Variants in TAF4B observed in about 807,000 individuals in gnomAD.
TAF4B encodes TATA-box binding protein associated factor 4b.
A neutral mutation model predicts 86.4 loss-of-function variants in TAF4B; 38 were observed. The observed-to-expected ratio is 0.44, with a 90% CI of 0.34 to 0.58. The LOEUF (loss-of-function observed/expected upper bound fraction) is 0.58, where lower values mean the gene tolerates loss of function less well. TAF4B is among the 20% of genes least tolerant of loss of function. The pLI is 0.02. For missense variants in TAF4B, 988 were observed against 1,027.6 expected, an observed-to-expected ratio of 0.96 and a Z score of 0.53; for synonymous variants, 388 against 391.2, an observed-to-expected ratio of 0.99 and a Z score of 0.10.
At chr18:26,313,670 G>GT (rs528865635) in intron 9 of TAF4B, among the ~76,000 whole-genome samples, 15,557 of 145,632 alleles carry the variant, frequency 0.11, 2,446 homozygotes, top group African/African-American at 0.35. Context: ...CTTTCCTTGA[G>GT]TTTTTTTTTT....
chr18:26,344,437 C>G (rs1477422220), intron 13 of TAF4B, among the ~76,000 whole-genome samples: 1 of 150,960 alleles, frequency 6.6e-6, no homozygotes, highest in Non-Finnish European at 1.5e-5. Flanking sequence ...AAGGAACTTT[C>G]AACTTAAAAT....
At chr18:26,236,284 G>A (rs1008123401) in intron 1 of TAF4B, among the ~76,000 whole-genome samples, 1 of 152,214 alleles carries the variant, frequency 6.6e-6, no homozygotes, top group African/African-American at 2.4e-5. Context: ...CCTGGTTACA[G>A]GCTGTCCCAG....
chr18:26,362,562 G>T (rs2057339938), intron 14 of TAF4B, among the ~76,000 whole-genome samples: 1 of 152,084 alleles, frequency 6.6e-6, no homozygotes, highest in African/African-American at 2.4e-5. Flanking sequence ...ATTGGTTAGG[G>T]AGAAAACCGA....
chr18:26,266,619 T>C (rs1598740351), intron 2 of TAF4B, among the ~76,000 whole-genome samples: 1 of 152,124 alleles, frequency 6.6e-6, no homozygotes, highest in Middle Eastern at 3.4e-3. Context: ...CCCAGCACTT[T>C]GGGAGGCTGA....
At chr18:26,315,861 C>A (rs2056905738) in intron 10 of TAF4B, among the ~76,000 whole-genome samples, 1 of 152,130 alleles carries the variant, frequency 6.6e-6, no homozygotes. Context: ...TTAGGGTCCT[C>A]TCTAGGCCCA....
intron 5 of TAF4B, among the ~76,000 whole-genome samples, chr18:26,280,211 C>G (rs1420462727): frequency 2.0e-5 from 3 of 152,050 alleles, no homozygotes; most frequent in East Asian, 1.9e-4. Flanking sequence ...CTGTAAAAGT[C>G]CTAGAAGAAA....
intron 5 of TAF4B, among the ~76,000 whole-genome samples, chr18:26,277,092 T>A (rs1304873703): frequency 6.6e-6 from 1 of 151,526 alleles, no homozygotes; most frequent in Non-Finnish European, 1.5e-5. Context: ...TTGAAAAAAT[T>A]TTTTTTTGAG....
At chr18:26,308,670 C>T (rs962259387) in intron 9 of TAF4B, among the ~76,000 whole-genome samples, 6 of 151,842 alleles carry the variant, frequency 4.0e-5, no homozygotes, top group South Asian at 2.1e-4. Flanking sequence ...GTCTGGAGTT[C>T]GAGATCAGCC....
chr18:26,329,447 T>C, intron 12 of TAF4B, among the ~76,000 whole-genome samples: 1 of 152,242 alleles, frequency 6.6e-6, no homozygotes, highest in Non-Finnish European at 1.5e-5. Flanking sequence ...TATCATCTAA[T>C]GCACAGCACC....
At chr18:26,287,691 A>T (rs1598761246) in intron 7 of TAF4B, among the ~76,000 whole-genome samples, 2 of 152,300 alleles carry the variant, frequency 1.3e-5, no homozygotes, top group East Asian at 3.9e-4. Flanking sequence ...GCTTTGCATT[A>T]GACGCTGTGT....
chr18:26,303,527 C>T (rs1375689998), intron 9 of TAF4B, among the ~76,000 whole-genome samples: 2 of 81,258 alleles, frequency 2.5e-5, no homozygotes, highest in African/African-American at 1.1e-4. Flanking sequence ...CCTCCCTCCA[C>T]TTTCATACCC....
At chr18:26,308,128 C>T (rs1874540355) in intron 9 of TAF4B, among the ~76,000 whole-genome samples, 1 of 152,128 alleles carries the variant, frequency 6.6e-6, no homozygotes, top group Admixed American at 6.6e-5. Context: ...GTGGCGCACG[C>T]CTGTAATCCT....
At chr18:26,296,052 CTCTT>C (rs1310180471) in intron 9 of TAF4B, among the ~76,000 whole-genome samples, 60 of 151,652 alleles carry the variant, frequency 4.0e-4, no homozygotes, top group Non-Finnish European at 3.4e-4. Context: ...CCTTTTGCCT[CTCTT>C]TCATTCCCAT....
At chr18:26,376,760 G>C (rs1050905519) in intron 14 of TAF4B, among the ~76,000 whole-genome samples, 3 of 151,980 alleles carry the variant, frequency 2.0e-5, no homozygotes, top group Admixed American at 6.6e-5. Flanking sequence ...TCAGAATTTA[G>C]GGGAAAAGAG....
At chr18:26,243,543 A>T (rs754066813) in intron 1 of TAF4B, among the ~76,000 whole-genome samples, 2 of 152,074 alleles carry the variant, frequency 1.3e-5, no homozygotes, top group African/African-American at 4.8e-5. Flanking sequence ...TTTAGCTCAG[A>T]GAAGTGTGTT....
At position 26,354,145 on chromosome 18, in the gene TAF4B, G is replaced by A. The variant is rs534353279; in HGVS notation, c.2317-3545G>A. Among the ~76,000 whole-genome samples, 19 of 152,208 alleles carry A rather than the reference G, an allele frequency of 1.2e-4. No individual in the cohort carries two copies. In the East Asian group the frequency reaches 1.4e-3, roughly 11 times the overall value. ...AGCTGGAGTGCAGTGGCATGATCTC[G>A]GCTGACTGCAGCCTCCGCTTTTGGG... On this transcript the variant is annotated intron_variant, in intron 13 of 14. Coordinates refer to ENST00000269142, the MANE Select transcript of TAF4B (RefSeq NM_005640.3).
intron 6 of TAF4B, among the ~76,000 whole-genome samples, chr18:26,285,222 G>GTTTTTTTTTTTTGTTTTGTTTTTTTT (rs2056501259): frequency 2.2e-5 from 1 of 45,660 alleles, no homozygotes; most frequent in Non-Finnish European, 4.5e-5. Context: ...TTTTTTTTTT[G>GTTTTTTTTTTTTGTTTTGTTTTTTTT]TTTTTTTTTT....
intron 11 of TAF4B, among the ~76,000 whole-genome samples, chr18:26,324,689 C>G (rs945929133): frequency 6.6e-6 from 1 of 152,156 alleles, no homozygotes; most frequent in African/African-American, 2.4e-5. Context: ...TGTATACTAC[C>G]TATTCTGACT....
At chr18:26,228,851 T>C (rs1050055456) in intron 1 of TAF4B, among the ~76,000 whole-genome samples, 3 of 152,274 alleles carry the variant, frequency 2.0e-5, no homozygotes, top group African/African-American at 7.2e-5. Flanking sequence ...TACTGGAGGA[T>C]TGGGGCCTTA....
Sources: gnomAD v4.1 joint callset for allele counts (sites outside exome capture counted in the v4.1 genomes callset) on GRCh38, gnomAD v4.1.1 for gene constraint, MANE v1.5 for transcripts, NCBI Gene and HGNC (gene_info 2026-07-23, HGNC 2026-07-21) for gene names.